The following PRRC2C variants were observed in gnomAD, a reference collection of about 807,000 sequenced individuals.
PRRC2C encodes proline rich coiled-coil 2C, also known as protein PRRC2C.
Under a neutral mutation model 317.2 loss-of-function variants are expected in PRRC2C, and 72 were observed. The observed-to-expected ratio is 0.23, with a 90% CI of 0.19 to 0.28. The LOEUF is 0.28. Among genes scored for constraint, PRRC2C ranks in the 10% least tolerant of loss-of-function variants. PRRC2C has a pLI of 1.00. For synonymous variants in PRRC2C, 1,296 were observed against 1,205.9 expected, an observed-to-expected ratio of 1.07 and a Z score of -1.55; for missense variants, 3,074 against 3,459.7, an observed-to-expected ratio of 0.89 and a Z score of 2.80.
intron 18 of PRRC2C, among the ~76,000 whole-genome samples, chr1:171,550,679 CGTT>C (rs1680050785): frequency 6.9e-6 from 1 of 145,790 alleles, no homozygotes; most frequent in Admixed American, 6.9e-5. Flanking sequence ...CAAGTGTTCT[CGTT>C]GTTCAGTTCC....
intron 11 of PRRC2C, 24 bp downstream of exon 11, chr1:171,527,868 G>C: frequency 6.5e-7 from 1 of 1,545,850 alleles, no homozygotes; most frequent in South Asian, 1.2e-5. Flanking sequence ...GCTTGTTTAT[G>C]GATTATATAT....
At chr1:171,544,435 C>G (rs546125834) in intron 16 of PRRC2C, among the ~76,000 whole-genome samples, 1 of 152,272 alleles carries the variant, frequency 6.6e-6, no homozygotes, top group East Asian at 1.9e-4. Flanking sequence ...AACACATGAA[C>G]TTTTGAGGGA....
Position 171,575,075 on chromosome 1 carries a change from C to T in PRRC2C, c.6902C>T (p.Ala2301Val). Residue 2301 changes from alanine (A) to valine (V), a missense_variant, in exon 25 of 35, where the codon GCA becomes GTA. This residue lies in a region of PRRC2C where 490 missense variants were observed against 663.1 expected (regional missense o/e 0.74). Coordinates refer to ENST00000647382, the MANE Select transcript of PRRC2C (RefSeq NM_001387844.1). ...STANYNSFSS[A>V]SMPQIPVASV... Reference sequence around the variant, plus strand: ...GCTAATTACAATTCGTTCTCAAGTGCATCCATGCCCCAGATTCCTGTTGCT... The same window carrying T: ...GCTAATTACAATTCGTTCTCAAGTGTATCCATGCCCCAGATTCCTGTTGCT... The T allele has an allele frequency of 1.2e-6, 2 of 1,613,876 alleles. No homozygotes were observed. Among genetic ancestry groups the T allele is most frequent in the Non-Finnish European group, 1.7e-6 (2 of 1,179,850 alleles).
chr1:171,518,172 T>C (rs1478733575), intron 6 of PRRC2C, among the ~76,000 whole-genome samples: 1 of 152,230 alleles, frequency 6.6e-6, no homozygotes. Context: ...TCAACATTAC[T>C]TCAAAATAAT....
intron 12 of PRRC2C, among the ~76,000 whole-genome samples, chr1:171,535,017 C>T (rs1676557446): frequency 6.6e-6 from 1 of 151,964 alleles, no homozygotes; most frequent in Admixed American, 6.6e-5. Flanking sequence ...CTAAATAAAC[C>T]AACATGCTCT....
Position 171,541,330 on chromosome 1 carries a change from T to C in PRRC2C, c.3864T>C (p.Leu1288=), listed in dbSNP as rs751762048. The part of the protein sequence containing the change: ...SDKDSLSKGK[L]PKREERPENK... The stretch of plus-strand genomic sequence containing the variant: ...AGGACAGTTTAAGTAAAGGCAAACT[T>C]CCCAAAAGAGAGGAACGGCCTGAAA... Residue 1288 remains leucine (L), a synonymous_variant, in exon 16 of 35, where the codon CTT becomes CTC. Transcript: ENST00000647382. This position sits in a 1 kb window ranked among gnomAD's most constrained non-coding sequence, Gnocchi z 4.1. 4.6e-5 allele frequency: 74 copies of C among 1,613,186 alleles called. No homozygotes were observed. Among genetic ancestry groups the C allele is most frequent in the Non-Finnish European group, 5.7e-5 (67 of 1,179,752 alleles).
rs776298228 is a variant in PRRC2C at position 171,566,769 on chromosome 1, G to C, written c.6484G>C (p.Ala2162Pro). The C allele has an allele frequency of 1.2e-4, 201 of 1,613,674 alleles. No individual in the cohort carries two copies. In the Middle Eastern group the frequency reaches 1.3e-3, roughly 11 times the overall value. The change falls in exon 22 of 35, where the codon GCA becomes CCA. Residue 2162 changes from alanine to proline, a missense_variant. Ala to Pro is a conservative substitution (Grantham distance 27). Around this residue, in one of 11 missense-constraint regions of PRRC2C, gnomAD observed 640 missense variants for 676.1 expected, o/e 0.95. Coordinates refer to ENST00000647382, the MANE Select transcript of PRRC2C (RefSeq NM_001387844.1). ...TDPVTTKETK[A>P]VSEMSTEIGT... ...TCCTGTCACGACAAAGGAGACTAAA[G>C]CAGTCTCAGAAATGTCTACTGAAAT...
rs529710041 is a variant in PRRC2C, at chr1:171,537,117, C to T, written c.2294-146C>T. On this transcript the variant is annotated intron_variant, in intron 14 of 34. Transcript: ENST00000647382. ...CACAGAACAACCCTTACATAATTTC[C>T]ACCAATCTTTTACTCAGGAAAAAAA... is the stretch of plus-strand genomic sequence containing the variant. The T allele has an allele frequency of 1.4e-4, 88 of 613,176 alleles. 1 individual carries two copies. The highest frequency in any genetic ancestry group is 1.3e-3 in the African/African-American group (70 of 54,096). 38.0% of individuals were successfully genotyped at this position (613,176 alleles called of 1,614,324 possible).
chr1:171,540,136 T>C lies in PRRC2C; in HGVS notation c.2670T>C (p.Asp890=), dbSNP rs75723046. The C allele has an allele frequency of 6.9e-3, 11,115 of 1,613,946 alleles. 87 individuals are homozygous for C. Among genetic ancestry groups the C allele is most frequent in the Non-Finnish European group, 6.9e-3 (8,086 of 1,179,872 alleles). ...AAGATGTTAGACCTCACCATACTGA[T>C]GCAAATAATCAGTCTGCTTGTTTTG... The part of the protein sequence containing the change: ...SVEDVRPHHT[D]ANNQSACFEA... Residue 890 remains aspartate, a synonymous_variant, in exon 16 of 35, where the codon GAT becomes GAC. Coordinates refer to ENST00000647382, the MANE Select transcript of PRRC2C (RefSeq NM_001387844.1).
In PRRC2C at chr1:171,540,530, G is replaced by A. The variant is rs1557953014; in HGVS notation, c.3064G>A (p.Val1022Ile). The A allele has an allele frequency of 6.2e-7, 1 of 1,613,560 alleles. No homozygotes were observed. Among genetic ancestry groups the A allele is most frequent in the Non-Finnish European group, 8.5e-7 (1 of 1,179,786 alleles). The change falls in exon 16 of 35, where the codon GTA becomes ATA. Residue 1022 changes from valine to isoleucine, a missense_variant. Physicochemically the swap from Val to Ile is conservative, Grantham distance 29. Transcript: ENST00000647382. ...VRRSGPIKKP[V>I]LRDMKEEREQ... ...AAGATCAGGTCCCATTAAAAAACCT[G>A]TACTTAGAGATATGAAAGAGGAACG...
intron 1 of PRRC2C, among the ~76,000 whole-genome samples, chr1:171,491,070 A>G (rs1250979167): frequency 1.3e-5 from 2 of 152,212 alleles, no homozygotes; most frequent in African/African-American, 4.8e-5. Flanking sequence ...ATATCAAGAC[A>G]TGAGTCTTGA....
chr1:171,525,495 A>G (rs1394932701), intron 10 of PRRC2C, among the ~76,000 whole-genome samples: 1 of 152,226 alleles, frequency 6.6e-6, no homozygotes, highest in African/African-American at 2.4e-5. Flanking sequence ...AATAAAAAGG[A>G]CTACTTTCAA....
At position 171,586,356 on chromosome 1, in the gene PRRC2C, G is replaced by T. The variant is rs1048861552; in HGVS notation, c.7750-647G>T. On this transcript the variant is annotated intron_variant, in intron 30 of 34. Coordinates refer to ENST00000647382, the MANE Select transcript of PRRC2C (RefSeq NM_001387844.1). Reference sequence around the variant, plus strand: ...TCTGCCTACCTTGGCCTCCCAAAGTGCTGGGATTATAGGCGTGAGCCACCG... The same window carrying T: ...TCTGCCTACCTTGGCCTCCCAAAGTTCTGGGATTATAGGCGTGAGCCACCG... 5.9e-5 allele frequency among the ~76,000 whole-genome samples: 9 copies of T among 151,424 alleles called. No individual in the cohort carries two copies. The East Asian group carries it at 1.8e-3, about 29-fold the overall frequency.
At chr1:171,488,430 A>G (rs972779054) in intron 1 of PRRC2C, among the ~76,000 whole-genome samples, 4 of 152,242 alleles carry the variant, frequency 2.6e-5, no homozygotes, top group Admixed American at 6.5e-5. Context: ...TTCCTCGCTA[A>G]TCTCATCGAT....
intron 2 of PRRC2C, 51 bp downstream of exon 2, chr1:171,512,251 A>G (rs368717205): frequency 3.3e-5 from 41 of 1,247,214 alleles, no homozygotes; most frequent in Non-Finnish European, 4.1e-5. Context: ...TTTTGTTACT[A>G]TAAGTGATAC....
intron 28 of PRRC2C, among the ~76,000 whole-genome samples, chr1:171,582,868 A>AAC (rs1553247676): frequency 2.0e-5 from 3 of 151,616 alleles, no homozygotes; most frequent in South Asian, 2.1e-4. Context: ...AAAAAAAAAA[A>AAC]AACAAATTTT....
intron 28 of PRRC2C, 33 bp downstream of exon 28, chr1:171,579,997 G>C: frequency 6.9e-7 from 1 of 1,444,228 alleles, no homozygotes; most frequent in East Asian, 2.5e-5. Flanking sequence ...TTGTAATGAT[G>C]TTGAAAACAT....
In PRRC2C at chr1:171,550,051, CAG is replaced by C. The variant is rs576669454; in HGVS notation, c.4973-33_4973-32del. The C allele has an allele frequency of 3.8e-4, 531 of 1,408,772 alleles. 1 individual carries two copies. The African/African-American group carries it at 4.7e-3, about 13-fold the overall frequency. 87.3% of individuals were successfully genotyped at this position (1,408,772 alleles called of 1,614,324 possible). A position where few individuals can be genotyped will look rare whatever the true frequency, so the allele number is the denominator to read the frequency against. On this transcript the variant is annotated intron_variant, in intron 17 of 34. Transcript: ENST00000647382. ...TTTTTATTAATTTTCATTTGAAAAA[CAG>C]AAAATATCTTAAATCCTTTCCCACA...
Position 171,557,310 on chromosome 1 carries a change from A to G in PRRC2C, c.5198A>G (p.Lys1733Arg). The change falls in exon 19 of 35, where the codon AAA becomes AGA. Residue 1733 changes from lysine to arginine, a missense_variant. Physicochemically the swap from Lys to Arg is conservative, Grantham distance 26. Around this residue, in one of 11 missense-constraint regions of PRRC2C, gnomAD observed 640 missense variants for 676.1 expected, o/e 0.95. Coordinates refer to ENST00000647382, the MANE Select transcript of PRRC2C (RefSeq NM_001387844.1). The stretch of plus-strand genomic sequence containing the variant: ...TCTAAGCTTCCTCCAAGATTTGCCA[A>G]AAAACAGGCTACAGGGATCCAGCAA... The part of the protein sequence containing the change: ...QTSKLPPRFA[K>R]KQATGIQQAQ... 1 of 1,552,010 alleles carries G rather than the reference A, an allele frequency of 6.4e-7. No individual in the cohort carries two copies. The highest frequency in any genetic ancestry group is 1.4e-5 in the African/African-American group (1 of 73,188).
Sources: allele counts gnomAD v4.1 joint callset (sites outside exome capture counted in the v4.1 genomes callset), GRCh38; gene constraint gnomAD v4.1.1; regional missense constraint gnomAD v4.1.1; non-coding constraint Gnocchi (gnomAD v3.1); transcripts MANE v1.5; gene names NCBI Gene and HGNC (gene_info 2026-07-23, HGNC 2026-07-21).